Variants in TXNRD1 observed in about 807,000 individuals in gnomAD.
TXNRD1 encodes the protein thioredoxin reductase 1, cytoplasmic.
A neutral mutation model predicts 80.3 loss-of-function variants in TXNRD1; 57 were observed. The observed-to-expected ratio is 0.71, with a 90% CI of 0.57 to 0.89. The LOEUF is 0.89. TXNRD1 is among the 40% of genes least tolerant of loss of function. The probability of loss-of-function intolerance (pLI) is 0.00; values close to 1 mark genes in which losing one functional copy is unlikely to be tolerated. For synonymous variants in TXNRD1, 291 were observed against 285.2 expected (o/e 1.02, Z -0.20); for missense variants, 730 against 803.0 (o/e 0.91, Z 1.10).
At chr12:104,217,781 G>A (rs1290239261) in intron 1 of TXNRD1, among the ~76,000 whole-genome samples, 1 of 151,998 alleles carries the variant, frequency 6.6e-6, no homozygotes, top group African/African-American at 2.4e-5. Flanking sequence ...TCTACTTTCT[G>A]TTTCTGTGAA....
At chr12:104,313,886 T>A (rs1414830660) in intron 6 of TXNRD1, among the ~76,000 whole-genome samples, 2 of 152,034 alleles carry the variant, frequency 1.3e-5, no homozygotes, top group Non-Finnish European at 2.9e-5. Context: ...ATTGAAAAAA[T>A]TAATATAGTG....
intron 3 of TXNRD1, among the ~76,000 whole-genome samples, chr12:104,266,394 C>T (rs2033486161): frequency 2.0e-5 from 3 of 151,600 alleles, no homozygotes; most frequent in Admixed American, 6.6e-5. Flanking sequence ...GGCATGGTGA[C>T]GCATGCTTGT....
chr12:104,225,591 G>A (rs957422844), intron 1 of TXNRD1, among the ~76,000 whole-genome samples: 21 of 152,088 alleles, frequency 1.4e-4, no homozygotes, highest in African/African-American at 4.8e-4. Context: ...GTTTTATAAA[G>A]GGCTTCCCCC....
At chr12:104,220,579 G>A (rs2032327717) in intron 1 of TXNRD1, among the ~76,000 whole-genome samples, 1 of 152,030 alleles carries the variant, frequency 6.6e-6, no homozygotes, top group African/African-American at 2.4e-5. Flanking sequence ...TACAAAATTA[G>A]CTGGGCGTGG....
At position 104,350,211 on chromosome 12, in the gene TXNRD1, T is replaced by C. The variant is rs976356588; in HGVS notation, c.*1790T>C. 1 of 152,166 alleles carries C rather than the reference T, an allele frequency of 6.6e-6. No homozygotes were observed. The highest frequency in any genetic ancestry group is 1.5e-5 in the Non-Finnish European group (1 of 68,038). 9.4% of individuals were successfully genotyped at this position (152,166 alleles called of 1,614,324 possible). On this transcript the variant is annotated 3_prime_UTR_variant, in exon 17 of 17. Coordinates refer to ENST00000525566, the MANE Select transcript of TXNRD1 (RefSeq NM_001093771.3). ...TTATTGAAACATATACTAAGTTCCATGTATTTTTGTTACAAATCTTCTGAA... is the reference window on the plus strand; with the variant it reads ...TTATTGAAACATATACTAAGTTCCACGTATTTTTGTTACAAATCTTCTGAA...
intron 3 of TXNRD1, among the ~76,000 whole-genome samples, chr12:104,270,687 C>CT (rs1435873607): frequency 6.6e-6 from 1 of 152,072 alleles, no homozygotes; most frequent in Admixed American, 6.6e-5. Context: ...ATGGAAAATA[C>CT]TTTGCCATCT....
chr12:104,335,079 C>T lies in TXNRD1; in HGVS notation c.1746+747C>T, dbSNP rs144345837. 2.3e-3 allele frequency among the ~76,000 whole-genome samples: 349 copies of T among 152,168 alleles called. 1 individual carries two copies. The highest frequency in any genetic ancestry group is 8.1e-3 in the African/African-American group (336 of 41,506). ...ATGTAATGCTAGTCTGGTGTTATTA[C>T]GTGTAAATCTAATGTATTTTAAGTG... On this transcript the variant is annotated intron_variant, in intron 15 of 16. Transcript: ENST00000525566.
chr12:104,291,472 G>A (rs560753591), intron 4 of TXNRD1, among the ~76,000 whole-genome samples: 13 of 137,510 alleles, frequency 9.5e-5, no homozygotes, highest in African/African-American at 2.8e-4. Flanking sequence ...GTGACCCACC[G>A]CACCCAGCTT....
rs773508677 is a variant in TXNRD1, at chr12:104,318,996, G to T, written c.814G>T (p.Glu272Ter). 6.2e-7 allele frequency: 1 copy of T among 1,613,854 alleles called. No homozygotes were observed. The highest frequency in any genetic ancestry group is 8.5e-7 in the Non-Finnish European group (1 of 1,179,852). ...LNWGYRVALR[E>*]KKVVYENAYG... ...TTGGGGCTACCGAGTAGCTCTGCGG[G>T]AGAAAAAAGTCGTCTATGAGAATGC... is the stretch of plus-strand genomic sequence containing the variant. The change falls in exon 8 of 17, where the codon GAG becomes TAG. Residue 272 changes from glutamate to a stop codon, truncating the protein, a stop_gained. Coordinates refer to ENST00000525566, the MANE Select transcript of TXNRD1 (RefSeq NM_001093771.3). LOFTEE classifies it high-confidence loss of function.
At chr12:104,241,683 T>TAAAAAAAAA (rs1323207447) in intron 1 of TXNRD1, among the ~76,000 whole-genome samples, 1 of 151,896 alleles carries the variant, frequency 6.6e-6, no homozygotes, top group East Asian at 1.9e-4. Context: ...GATTTCTTTT[T>TAAAAAAAAA]AAATTTTACT....
At chr12:104,265,958 A>C (rs2033476972) in intron 3 of TXNRD1, 1 of 573,228 alleles carries the variant, frequency 1.7e-6, no homozygotes, top group Admixed American at 3.6e-5. Flanking sequence ...AAAATCTTAA[A>C]AAAAAAAAAA....
intron 1 of TXNRD1, among the ~76,000 whole-genome samples, chr12:104,227,215 CAAATA>C (rs979244734): frequency 6.6e-6 from 1 of 151,828 alleles, no homozygotes; most frequent in African/African-American, 2.4e-5. Context: ...AATTGGTATA[CAAATA>C]AAATAGATTT....
chr12:104,260,573 G>A (rs1479166081), intron 3 of TXNRD1, among the ~76,000 whole-genome samples: 1 of 152,128 alleles, frequency 6.6e-6, no homozygotes, highest in Non-Finnish European at 1.5e-5. Flanking sequence ...ATGTAATTCT[G>A]AAGCCTGTGT....
At chr12:104,292,054 T>A (rs2034235761) in intron 4 of TXNRD1, among the ~76,000 whole-genome samples, 1 of 152,184 alleles carries the variant, frequency 6.6e-6, no homozygotes. Context: ...TGGAGGGAGC[T>A]CTTCAAAATG....
chr12:104,283,738 C>T (rs1424114266), intron 3 of TXNRD1, among the ~76,000 whole-genome samples: 2 of 152,046 alleles, frequency 1.3e-5, no homozygotes, highest in East Asian at 3.9e-4. Context: ...GGCGTGGTGG[C>T]ACATGCCTAT....
intron 3 of TXNRD1, among the ~76,000 whole-genome samples, chr12:104,277,236 A>AC (rs748579175): frequency 2.4e-3 from 5 of 2,110 alleles, no homozygotes; most frequent in Non-Finnish European, 3.5e-3. Context: ...CTAAAAATAC[A>AC]AAAAAAAAAA....
chr12:104,235,419 G>T (rs576169021), intron 1 of TXNRD1, among the ~76,000 whole-genome samples: 1 of 152,200 alleles, frequency 6.6e-6, no homozygotes, highest in African/African-American at 2.4e-5. Flanking sequence ...AGGCAAGGAA[G>T]TTAGGCTTTG....
intron 10 of TXNRD1, among the ~76,000 whole-genome samples, chr12:104,321,644 T>C (rs1387132535): frequency 1.3e-5 from 2 of 152,176 alleles, no homozygotes; most frequent in African/African-American, 4.8e-5. Context: ...TACCAGAGAT[T>C]TAAATAAGAG....
intron 14 of TXNRD1, among the ~76,000 whole-genome samples, chr12:104,333,338 GTTA>G (rs924994411): frequency 1.3e-5 from 2 of 151,706 alleles, no homozygotes; most frequent in African/African-American, 2.4e-5. Flanking sequence ...AATTTGCTTT[GTTA>G]TTATAGAAGT....
Sources: allele counts gnomAD v4.1 joint callset (sites outside exome capture counted in the v4.1 genomes callset), GRCh38; gene constraint gnomAD v4.1.1; transcripts MANE v1.5; gene names NCBI Gene and HGNC (gene_info 2026-07-23, HGNC 2026-07-21).